The following TJP2 variants were observed in gnomAD, a reference collection of about 807,000 sequenced individuals.
TJP2 encodes Friedreich ataxia region gene X104 (tight junction protein ZO-2).
A neutral mutation model predicts 133.1 loss-of-function variants in TJP2; 91 were observed. The ratio of observed to expected loss-of-function variants is 0.68; its 90% CI spans 0.58 to 0.81. TJP2 has a LOEUF of 0.81. TJP2 is among the 40% of genes least tolerant of loss of function. TJP2 has a pLI of 0.00. For missense variants in TJP2, 1,541 were observed against 1,565.6 expected, an observed-to-expected ratio of 0.98 and a Z score of 0.26; for synonymous variants, 592 against 583.4, an observed-to-expected ratio of 1.01 and a Z score of -0.21.
intron 1 of TJP2, among the ~76,000 whole-genome samples, chr9:69,201,927 A>G (rs1025233730): frequency 6.6e-6 from 1 of 152,182 alleles, no homozygotes; most frequent in African/African-American, 2.4e-5. Context: ...ATAGAATCAC[A>G]AAACAGAATG....
At chr9:69,144,393 C>G (rs1009169406) in intron 1 of TJP2, among the ~76,000 whole-genome samples, 2 of 152,124 alleles carry the variant, frequency 1.3e-5, no homozygotes, top group African/African-American at 4.8e-5. Context: ...CTAGGTTAAT[C>G]AGAGTTACTG....
intron 19 of TJP2, chr9:69,248,439 C>T: frequency 1.4e-6 from 2 of 1,417,550 alleles, no homozygotes. Flanking sequence ...CTTGAGGGGT[C>T]AGCACTCCGC....
At chr9:69,235,649 T>C (rs1830132103) in intron 12 of TJP2, among the ~76,000 whole-genome samples, 1 of 152,192 alleles carries the variant, frequency 6.6e-6, no homozygotes, top group African/African-American at 2.4e-5. Flanking sequence ...AGAAGGGGTC[T>C]GATTGTCATT....
At chr9:69,219,261 A>G (rs1370072518) in intron 4 of TJP2, among the ~76,000 whole-genome samples, 1 of 152,110 alleles carries the variant, frequency 6.6e-6, no homozygotes, top group East Asian at 1.9e-4. Flanking sequence ...GAGCCACCTC[A>G]CCCGGCCACA....
At chr9:69,129,793 G>A (rs1822408423) in intron 1 of TJP2, among the ~76,000 whole-genome samples, 1 of 151,796 alleles carries the variant, frequency 6.6e-6, no homozygotes, top group Non-Finnish European at 1.5e-5. Context: ...GAGGCAGGAG[G>A]ATCACCTGAG....
At chr9:69,144,862 G>T (rs1823147933) in intron 1 of TJP2, among the ~76,000 whole-genome samples, 1 of 152,158 alleles carries the variant, frequency 6.6e-6, no homozygotes, top group South Asian at 2.1e-4. Context: ...TCACCCCAGG[G>T]AAGACTGGTT....
chr9:69,159,478 C>T (rs36008762), intron 2 of TJP2, among the ~76,000 whole-genome samples: 10,758 of 152,200 alleles, frequency 0.071, 387 homozygotes, highest in South Asian at 0.085. Flanking sequence ...CATCTTAAGA[C>T]TGGTTACTTA....
At chr9:69,188,541 A>G (rs1337759600) in intron 1 of TJP2, among the ~76,000 whole-genome samples, 1 of 152,184 alleles carries the variant, frequency 6.6e-6, no homozygotes, top group Non-Finnish European at 1.5e-5. Flanking sequence ...TAGGAGTTTA[A>G]ACATCATCGC....
chr9:69,254,499 G>C lies in TJP2; in HGVS notation c.*125G>C. On this transcript the variant is annotated 3_prime_UTR_variant, in exon 23 of 23. Transcript: ENST00000377245. ...TGGAGACGTGGTGGGACTCCAGCTC[G>C]TGTGTCCTCATGGAGAACCCAGGGG... 1 of 1,269,902 alleles carries C rather than the reference G, an allele frequency of 7.9e-7. No homozygotes were observed. The highest frequency in any genetic ancestry group is 1.1e-6 in the Non-Finnish European group (1 of 895,786). 78.7% of individuals were successfully genotyped at this position (1,269,902 alleles called of 1,614,324 possible). A position where few individuals can be genotyped will look rare whatever the true frequency, so the allele number is the denominator to read the frequency against.
At chr9:69,194,157 C>T (rs1302355954) in intron 1 of TJP2, among the ~76,000 whole-genome samples, 2 of 152,080 alleles carry the variant, frequency 1.3e-5, no homozygotes, top group African/African-American at 4.8e-5. Context: ...CACAGTCTTC[C>T]TCTGCGCTCC....
At chr9:69,216,256 C>T (rs1828368567) in intron 2 of TJP2, 83 bp from the exon 3 acceptor site, 6 of 1,543,516 alleles carry the variant, frequency 3.9e-6, no homozygotes. Flanking sequence ...ATTGATTTGA[C>T]CTTTATTTTA....
intron 2 of TJP2, among the ~76,000 whole-genome samples, chr9:69,156,917 G>C (rs1823799912): frequency 6.6e-6 from 1 of 152,194 alleles, no homozygotes; most frequent in South Asian, 2.1e-4. Context: ...TACTCTAGGG[G>C]TACCTAGGGG....
chr9:69,226,968 T>G (rs1538576), intron 7 of TJP2, among the ~76,000 whole-genome samples: 2 of 152,054 alleles, frequency 1.3e-5, no homozygotes, highest in Non-Finnish European at 2.9e-5. Context: ...TATTCATTAT[T>G]TGAATATGAA....
At chr9:69,134,807 G>A (rs1229311417) in intron 1 of TJP2, among the ~76,000 whole-genome samples, 1 of 152,160 alleles carries the variant, frequency 6.6e-6, no homozygotes, top group Non-Finnish European at 1.5e-5. Context: ...GAGACATGAG[G>A]TTTGATACCA....
intron 1 of TJP2, among the ~76,000 whole-genome samples, chr9:69,148,373 CTT>C (rs780212434): frequency 9.9e-5 from 13 of 130,896 alleles, no homozygotes; most frequent in Non-Finnish European, 1.6e-4. Flanking sequence ...CTCTGTAATA[CTT>C]TTTTTTTTTT....
At chr9:69,206,431 A>G (rs1157068615) in intron 1 of TJP2, among the ~76,000 whole-genome samples, 1 of 151,774 alleles carries the variant, frequency 6.6e-6, no homozygotes, top group Non-Finnish European at 1.5e-5. Flanking sequence ...TCCCCTCTTC[A>G]CTTTGCAAAA....
chr9:69,219,775 A>G (rs1239767484), intron 4 of TJP2, among the ~76,000 whole-genome samples: 2 of 152,080 alleles, frequency 1.3e-5, no homozygotes, highest in Non-Finnish European at 2.9e-5. Flanking sequence ...TCCAAAGTTC[A>G]CTCATTGCAT....
upstream of TJP2, among the ~76,000 whole-genome samples, chr9:69,171,251 A>G (rs932686273): frequency 1.3e-5 from 2 of 152,068 alleles, no homozygotes; most frequent in African/African-American, 4.8e-5. Context: ...CTGCTGATCT[A>G]CTTCCTTAGT....
intron 5 of TJP2, among the ~76,000 whole-genome samples, chr9:69,222,838 G>A (rs1262040486): frequency 6.6e-6 from 1 of 151,796 alleles, no homozygotes; most frequent in Non-Finnish European, 1.5e-5. Flanking sequence ...GGAGGCCGAG[G>A]TGGGCGGATG....
Sources: gnomAD v4.1 joint callset for allele counts (sites outside exome capture counted in the v4.1 genomes callset) on GRCh38, gnomAD v4.1.1 for gene constraint, MANE v1.5 for transcripts, NCBI Gene and HGNC (gene_info 2026-07-23, HGNC 2026-07-21) for gene names.